KIF24: variants seen among roughly 807,000 people sequenced by gnomAD.
KIF24 encodes kinesin-like protein KIF24.
Under a neutral mutation model 118.9 loss-of-function variants are expected in KIF24, and 81 were observed. The ratio of observed to expected loss-of-function variants is 0.68; its 90% CI spans 0.57 to 0.82. KIF24 has a LOEUF of 0.82. Ranked by LOEUF, KIF24 falls within the 40% of genes least tolerant of loss-of-function variation. The probability of loss-of-function intolerance (pLI) is 0.00; values close to 1 mark genes in which losing one functional copy is unlikely to be tolerated. For missense variants in KIF24, 1,560 were observed against 1,661.6 expected (o/e 0.94, Z 1.06); for synonymous variants, 599 against 610.0 (o/e 0.98, Z 0.27).
intron 8 of KIF24, among the ~76,000 whole-genome samples, chr9:34,266,597 G>A (rs553563770): frequency 8.9e-4 from 134 of 150,932 alleles, no homozygotes; most frequent in African/African-American, 3.0e-3. Context: ...AGAATCGCTT[G>A]AACCTAGCAG....
chr9:34,326,706 G>A (rs1411676794), intron 1 of KIF24, among the ~76,000 whole-genome samples: 26 of 152,320 alleles, frequency 1.7e-4, no homozygotes. Context: ...AAGGAGAATA[G>A]TATGAGAAGA....
At chr9:34,297,252 G>A in intron 3 of KIF24, 138 bp from the exon 4 acceptor site, 2 of 566,332 alleles carry the variant, frequency 3.5e-6, no homozygotes, top group East Asian at 5.8e-5. Context: ...AGGTAAATAA[G>A]CAATCACTAT....
intron 2 of KIF24, among the ~76,000 whole-genome samples, chr9:34,309,644 T>C (rs1837063807): frequency 2.0e-5 from 3 of 152,002 alleles, no homozygotes; most frequent in South Asian, 4.1e-4. Flanking sequence ...TCTATTCCTC[T>C]CAGAATTAAA....
chr9:34,254,323 T>C lies in KIF24; in HGVS notation c.*57A>G, dbSNP rs1168545776. On this transcript the variant is annotated 3_prime_UTR_variant, in exon 13 of 13. Transcript: ENST00000402558. The stretch of plus-strand genomic sequence containing the variant: ...GGACCTGGCAGAGGCTCCTCCAGCC[T>C]GAGAGCCCAGCACAGACTCCTGCAG... 3.0e-5 allele frequency: 45 copies of C among 1,515,316 alleles called. No individual in the cohort carries two copies. The highest frequency in any genetic ancestry group is 3.7e-5 in the Non-Finnish European group (42 of 1,135,354). 93.9% of individuals were successfully genotyped at this position (1,515,316 alleles called of 1,614,324 possible).
chr9:34,303,965 C>T (rs1836820992), intron 3 of KIF24, among the ~76,000 whole-genome samples: 2 of 152,138 alleles, frequency 1.3e-5, no homozygotes, highest in African/African-American at 4.8e-5. Flanking sequence ...TATTCACTTA[C>T]TGCCAATTTC....
upstream of KIF24, among the ~76,000 whole-genome samples, chr9:34,332,229 A>G (rs1190365051): frequency 6.6e-6 from 1 of 152,198 alleles, no homozygotes. Context: ...TTTGTGCTTG[A>G]GGGTGTTGCC....
intron 1 of KIF24, among the ~76,000 whole-genome samples, chr9:34,317,587 C>T (rs1025049269): frequency 2.6e-5 from 4 of 152,114 alleles, no homozygotes; most frequent in African/African-American, 9.7e-5. Flanking sequence ...CTGAGTAGCA[C>T]GATTAAAATC....
chr9:34,282,394 T>C (rs1232944598), intron 6 of KIF24: 1 of 152,204 alleles, frequency 6.6e-6, no homozygotes, highest in Non-Finnish European at 1.5e-5. Flanking sequence ...GAGTAACTGC[T>C]AATGGAGTTT....
chr9:34,294,558 A>G (rs1317678927), intron 4 of KIF24, among the ~76,000 whole-genome samples: 1 of 146,862 alleles, frequency 6.8e-6, no homozygotes, highest in African/African-American at 2.5e-5. Context: ...CAAAAAAAAA[A>G]GAATGTTCAT....
rs538202695 is a variant in KIF24, at chr9:34,263,111, T to C, written c.1505A>G (p.Lys502Arg). The change falls in exon 9 of 13, where the codon AAA becomes AGA. Residue 502 changes from lysine (K) to arginine (R), a missense_variant. Lys to Arg is a conservative substitution (Grantham distance 26, BLOSUM62 2). Transcript: ENST00000402558. ...CACATTTAACTTTACCTGAGTTAGTTTGCTTTGCCTGAAGGGAGTATGGGT... is the reference window on the plus strand; with the variant it reads ...CACATTTAACTTTACCTGAGTTAGTCTGCTTTGCCTGAAGGGAGTATGGGT... Reference protein sequence around the residue: ...EHTHTPFRQSKLTQVLKDSFI... With the variant: ...EHTHTPFRQSRLTQVLKDSFI... 28 of 1,612,868 alleles carry C rather than the reference T, an allele frequency of 1.7e-5. 1 individual carries two copies. The highest frequency in any genetic ancestry group is 5.5e-5 in the South Asian group (5 of 90,852).
chr9:34,308,704 A>G (rs565000251), intron 2 of KIF24, among the ~76,000 whole-genome samples: 3 of 152,340 alleles, frequency 2.0e-5, no homozygotes, highest in South Asian at 2.1e-4. Context: ...AAAATTGTTC[A>G]GGGCTCTAGG....
At chr9:34,295,447 CAGG>C (rs1271082463) in intron 4 of KIF24, among the ~76,000 whole-genome samples, 5 of 152,096 alleles carry the variant, frequency 3.3e-5, no homozygotes, top group African/African-American at 1.2e-4. Context: ...GAGACTGAAG[CAGG>C]AGGATTGCTT....
At chr9:34,328,149 A>G (rs1327428319) in intron 1 of KIF24, among the ~76,000 whole-genome samples, 4 of 152,218 alleles carry the variant, frequency 2.6e-5, no homozygotes, top group Non-Finnish European at 5.9e-5. Flanking sequence ...TAGGAACGCA[A>G]TTCTATCATA....
upstream of KIF24, among the ~76,000 whole-genome samples, chr9:34,330,284 AG>A (rs944687145): frequency 6.6e-6 from 1 of 152,186 alleles, no homozygotes; most frequent in African/African-American, 2.4e-5. Flanking sequence ...GGGCACGTAT[AG>A]TCCCTGCTAC....
intron 4 of KIF24, among the ~76,000 whole-genome samples, chr9:34,294,377 G>A (rs984419623): frequency 6.6e-6 from 1 of 152,088 alleles, no homozygotes; most frequent in Non-Finnish European, 1.5e-5. Flanking sequence ...CCATCATGGA[G>A]AAACCCCATC....
In KIF24 at chr9:34,306,360, C is replaced by T. The variant is rs376979286; in HGVS notation, c.705G>A (p.Met235Ile). ...RVCVRKRPLG[M>I]REVRRGEINI... ...TAATTTCTCCACGACGTACCTCCCT[C>T]ATGCCCAGGGGGCGTTTTCGAACAC... The change falls in exon 3 of 13, where the codon ATG becomes ATA. Residue 235 changes from methionine to isoleucine, a missense_variant. Met to Ile is a conservative substitution (Grantham distance 10). Around this residue, in one of 3 missense-constraint regions of KIF24, gnomAD observed 964 missense variants for 988.0 expected, o/e 0.98. Transcript: ENST00000402558. The T allele has an allele frequency of 6.2e-7, 1 of 1,612,220 alleles. No individual in the cohort carries two copies. Among genetic ancestry groups the T allele is most frequent in the African/African-American group, 1.3e-5 (1 of 74,908 alleles).
In KIF24 at chr9:34,256,825, C is replaced by T; in HGVS notation, c.2782G>A (p.Gly928Arg). Reference sequence around the variant, plus strand: ...GCCAGGCTGTCTCTGGGAGAAGGCCCTGAGGAAGTAGAGTTCTCTCTGCTC... The same window carrying T: ...GCCAGGCTGTCTCTGGGAGAAGGCCTTGAGGAAGTAGAGTTCTCTCTGCTC... ...DWSRENSTSS[G>R]PSPRDSLAEK... The change falls in exon 11 of 13, where the codon GGG (glycine) becomes AGG (arginine). Residue 928 changes from glycine (G) to arginine (R), a missense_variant. By Grantham distance (125) the Gly-to-Arg change is moderately radical. Around this residue, in one of 3 missense-constraint regions of KIF24, gnomAD observed 591 missense variants for 655.6 expected, o/e 0.90. Coordinates refer to ENST00000402558, the MANE Select transcript of KIF24 (RefSeq NM_194313.4). The T allele has an allele frequency of 6.2e-7, 1 of 1,614,022 alleles. No homozygotes were observed. Among genetic ancestry groups the T allele is most frequent in the Non-Finnish European group, 8.5e-7 (1 of 1,179,896 alleles).
chr9:34,315,563 A>G (rs1021458332), intron 1 of KIF24, among the ~76,000 whole-genome samples: 3 of 152,244 alleles, frequency 2.0e-5, no homozygotes, highest in Non-Finnish European at 4.4e-5. Flanking sequence ...TTTAAAAAAA[A>G]TTATTGCCAG....
chr9:34,275,032 G>T (rs1835607458), intron 6 of KIF24, among the ~76,000 whole-genome samples: 2 of 152,098 alleles, frequency 1.3e-5, no homozygotes, highest in South Asian at 2.1e-4. Flanking sequence ...TGGTTAATAG[G>T]TACACAAAAA....
Sources: allele counts gnomAD v4.1 joint callset (sites outside exome capture counted in the v4.1 genomes callset), GRCh38; gene constraint gnomAD v4.1.1; regional missense constraint gnomAD v4.1.1; transcripts MANE v1.5; gene names NCBI Gene and HGNC (gene_info 2026-07-23, HGNC 2026-07-21).